Variants in NBAS observed in about 807,000 individuals in gnomAD.
The protein encoded by NBAS is NAG/BC035112 fusion.
NBAS carries 219 observed loss-of-function variants against 302.5 expected under a neutral mutation model. The ratio of observed to expected loss-of-function variants is 0.72; its 90% CI spans 0.65 to 0.81. NBAS has a LOEUF of 0.81. Among genes scored for constraint, NBAS ranks in the 30% least tolerant of loss-of-function variants. NBAS has a pLI of 0.00. For missense variants in NBAS, 2,932 were observed against 2,841.6 expected (o/e 1.03, Z -0.72); for synonymous variants, 1,118 against 1,021.6 (o/e 1.09, Z -1.80).
chr2:15,044,219 T>C, the NBAS span, among the ~76,000 whole-genome samples: 51 of 152,336 alleles, frequency 3.3e-4, no homozygotes, highest in African/African-American at 1.2e-3. Context: ...ATTTGCATTC[T>C]GTAAGACTAC....
intron 47 of NBAS, among the ~76,000 whole-genome samples, chr2:15,220,018 G>A (rs1666866135): frequency 7.2e-6 from 1 of 139,800 alleles, no homozygotes; most frequent in Admixed American, 7.2e-5. Flanking sequence ...GGGGCGGCTG[G>A]CCAGGCGGGG....
the NBAS span, among the ~76,000 whole-genome samples, chr2:14,919,286 A>G: frequency 1.3e-5 from 2 of 152,226 alleles, no homozygotes; most frequent in East Asian, 1.9e-4. Context: ...CAAGTGTGCG[A>G]TAACATTATG....
the NBAS span, among the ~76,000 whole-genome samples, chr2:15,044,499 C>A: frequency 2.6e-5 from 4 of 152,306 alleles, no homozygotes; most frequent in East Asian, 1.9e-4. Flanking sequence ...TGACAAGGGG[C>A]TCAGCAGAGT....
intron 25 of NBAS, 45 bp downstream of exon 25, chr2:15,415,501 A>T (rs764137009): frequency 6.5e-7 from 1 of 1,540,890 alleles, no homozygotes; most frequent in Admixed American, 1.7e-5. Context: ...CTAATACTGT[A>T]GGGGAAAAAG....
intron 9 of NBAS, among the ~76,000 whole-genome samples, chr2:15,532,382 G>C (rs1269465405): frequency 6.6e-6 from 1 of 151,508 alleles, no homozygotes; most frequent in Non-Finnish European, 1.5e-5. Flanking sequence ...CCAGCTACTC[G>C]GGAGGCTGAG....
chr2:15,127,592 T>C, the NBAS span, among the ~76,000 whole-genome samples: 5 of 152,224 alleles, frequency 3.3e-5, no homozygotes, highest in Non-Finnish European at 4.4e-5. Context: ...GATTCCTCGA[T>C]ATTAAGGCTG....
At chr2:15,295,972 T>C (rs936153351) in intron 40 of NBAS, among the ~76,000 whole-genome samples, 6 of 152,094 alleles carry the variant, frequency 3.9e-5, no homozygotes, top group African/African-American at 9.7e-5. Context: ...CTTTCTCCAT[T>C]ATTCTATGAA....
At chr2:15,298,779 G>A (rs554324200) in intron 40 of NBAS, among the ~76,000 whole-genome samples, 112 of 152,200 alleles carry the variant, frequency 7.4e-4, no homozygotes, top group African/African-American at 2.5e-3. Context: ...TTAAAGTTTC[G>A]AAAGCATTTT....
chr2:15,379,812 A>C lies in NBAS; in HGVS notation c.3380T>G (p.Leu1127Arg), dbSNP rs1479566611. ...GATGTTTTCAAGGCGACTAGAGCAC[A>C]GAAGGCTTTCTGTAAATATCTGGAA... Reference protein sequence around the residue: ...ACYEIFTESLLCSSRLENIHL... With the variant: ...ACYEIFTESLRCSSRLENIHL... Residue 1127 changes from leucine to arginine, a missense_variant, in exon 30 of 52, where the codon CTG (leucine) becomes CGG (arginine). Leu to Arg is a moderately radical substitution (Grantham distance 102). Coordinates refer to ENST00000281513, the MANE Select transcript of NBAS (RefSeq NM_015909.4). The C allele has an allele frequency of 1.9e-6, 3 of 1,614,080 alleles. No homozygotes were observed. Among genetic ancestry groups the C allele is most frequent in the Admixed American group, 1.7e-5 (1 of 60,008 alleles).
At chr2:15,410,268 A>T (rs540268484) in intron 25 of NBAS, among the ~76,000 whole-genome samples, 45 of 152,348 alleles carry the variant, frequency 3.0e-4, no homozygotes, top group African/African-American at 9.9e-4. Context: ...TAACATGTAG[A>T]AAGTTTGTGA....
At chr2:15,464,856 T>G (rs1679654606) in intron 19 of NBAS, among the ~76,000 whole-genome samples, 1 of 152,218 alleles carries the variant, frequency 6.6e-6, no homozygotes, top group Admixed American at 6.5e-5. Flanking sequence ...CCCCATCCTG[T>G]ACCCTGACTA....
chr2:15,365,796 G>C (rs982780519), intron 32 of NBAS, among the ~76,000 whole-genome samples: 1 of 152,046 alleles, frequency 6.6e-6, no homozygotes, highest in Non-Finnish European at 1.5e-5. Flanking sequence ...ATATGGCTTA[G>C]ATGAATACAA....
At chr2:15,551,249 A>G (rs1404232873) in intron 6 of NBAS, among the ~76,000 whole-genome samples, 1 of 152,036 alleles carries the variant, frequency 6.6e-6, no homozygotes, top group East Asian at 1.9e-4. Flanking sequence ...AGTTAAAAAT[A>G]CTTCATCCCA....
intron 6 of NBAS, among the ~76,000 whole-genome samples, chr2:15,550,731 C>A (rs992669692): frequency 2.0e-5 from 3 of 151,890 alleles, no homozygotes; most frequent in Non-Finnish European, 2.9e-5. Flanking sequence ...GAATTACAGG[C>A]ATGTGTCATC....
At chr2:14,844,637 T>C in the NBAS span, among the ~76,000 whole-genome samples, 1 of 151,918 alleles carries the variant, frequency 6.6e-6, no homozygotes. Context: ...CTGGAAGGCA[T>C]TTTGGTACAT....
chr2:15,461,099 T>C, intron 21 of NBAS, 102 bp downstream of exon 21: 1 of 1,094,280 alleles, frequency 9.1e-7, no homozygotes, highest in East Asian at 2.7e-5. Context: ...AGTTTAAATA[T>C]ATTACATTAA....
At chr2:14,795,094 C>T in the NBAS span, among the ~76,000 whole-genome samples, 5,456 of 152,112 alleles carry the variant, frequency 0.036, 311 homozygotes, top group African/African-American at 0.12. Context: ...GACATATGCT[C>T]TTGTTTGTCT....
chr2:15,175,213 T>A (rs766299766), intron 51 of NBAS, among the ~76,000 whole-genome samples: 12 of 151,990 alleles, frequency 7.9e-5, no homozygotes, highest in Non-Finnish European at 1.2e-4. Context: ...TGATCCACCC[T>A]CCTCGGCCTC....
the NBAS span, among the ~76,000 whole-genome samples, chr2:14,900,758 A>C: frequency 2.0e-5 from 3 of 152,240 alleles, no homozygotes; most frequent in African/African-American, 4.8e-5. Context: ...ACAAGGCATG[A>C]TAAGTTCAAG....
Sources: gnomAD v4.1 joint callset for allele counts (sites outside exome capture counted in the v4.1 genomes callset) on GRCh38, gnomAD v4.1.1 for gene constraint, MANE v1.5 for transcripts, NCBI Gene and HGNC (gene_info 2026-07-23, HGNC 2026-07-21) for gene names.